The following MAD1L1 variants were observed in gnomAD, a reference collection of about 807,000 sequenced individuals.
MAD1L1 encodes mitotic arrest deficient 1 like 1.
A neutral mutation model predicts 96.9 loss-of-function variants in MAD1L1; 95 were observed. That is an observed-to-expected ratio of 0.98 (90% CI 0.83 to 1.16). The LOEUF is 1.16. MAD1L1 is among the 50% of genes most tolerant of loss of function. MAD1L1 has a pLI of 0.00. For synonymous variants in MAD1L1, 473 were observed against 396.6 expected (o/e 1.19, Z -2.29); for missense variants, 1,007 against 954.4 (o/e 1.06, Z -0.73).
In MAD1L1 at chr7:1,816,156, C is replaced by T. The variant is rs971005871; in HGVS notation, c.2071G>A (p.Glu691Lys). The T allele has an allele frequency of 3.7e-6, 6 of 1,613,196 alleles. No homozygotes were observed. The Admixed American group carries it at 6.7e-5, about 18-fold the overall frequency. The change falls in exon 19 of 19, where the codon GAG (glutamate) becomes AAG (lysine). Residue 691 changes from glutamate (E) to lysine (K), a missense_variant. Coordinates refer to ENST00000265854, the MANE Select transcript of MAD1L1 (RefSeq NM_001013836.2). ...CTGTCCTGGCGCCGCAGGTGCACCT[C>T]GATGAGCTCGCCCACGGTGTGTGAG... ...EFSHTVGELI[E>K]VHLRRQDSIP...
intron 18 of MAD1L1, among the ~76,000 whole-genome samples, chr7:1,854,667 G>T (rs1158442071): frequency 6.6e-6 from 1 of 152,078 alleles, no homozygotes; most frequent in Non-Finnish European, 1.5e-5. Flanking sequence ...GGAACTGCGG[G>T]ACACAAACCT....
At chr7:2,098,531 A>G (rs73034458) in intron 11 of MAD1L1, among the ~76,000 whole-genome samples, 4,117 of 152,272 alleles carry the variant, frequency 0.027, 98 homozygotes, top group South Asian at 0.09. Context: ...CCAAGCCATC[A>G]TGTGTATGGT....
At chr7:2,041,319 C>A (rs954849367) in intron 12 of MAD1L1, among the ~76,000 whole-genome samples, 2 of 152,210 alleles carry the variant, frequency 1.3e-5, no homozygotes, top group Admixed American at 6.5e-5. Flanking sequence ...GGACCGAGAG[C>A]CAACCCTTTG....
chr7:2,022,108 G>A (rs1782813957), intron 12 of MAD1L1, among the ~76,000 whole-genome samples: 2 of 152,008 alleles, frequency 1.3e-5, no homozygotes, highest in African/African-American at 4.8e-5. Context: ...GCTGTGAGCC[G>A]CTGAGCCTAG....
At chr7:1,894,655 C>T (rs1786754771) in intron 18 of MAD1L1, among the ~76,000 whole-genome samples, 1 of 152,168 alleles carries the variant, frequency 6.6e-6, no homozygotes, top group African/African-American at 2.4e-5. Flanking sequence ...GATCCCTCCA[C>T]ATCAACCAGA....
chr7:1,970,331 C>CAT (rs1554313149), intron 15 of MAD1L1, among the ~76,000 whole-genome samples: 2 of 116,516 alleles, frequency 1.7e-5, no homozygotes, highest in Non-Finnish European at 3.5e-5. Flanking sequence ...TTAATTTTTA[C>CAT]TTTTTTTTTT....
intron 10 of MAD1L1, among the ~76,000 whole-genome samples, chr7:2,205,084 C>CTTTTTT (rs56101356): frequency 0.015 from 1,540 of 103,682 alleles, 3 homozygotes; most frequent in Non-Finnish European, 0.022. Flanking sequence ...AGGATCTTTT[C>CTTTTTT]TTTTTTTTTT....
intron 14 of MAD1L1, 50 bp from the exon 15 acceptor site, chr7:1,980,591 T>C: frequency 6.7e-7 from 1 of 1,482,582 alleles, no homozygotes; most frequent in Non-Finnish European, 9.3e-7. Flanking sequence ...CGCACCCAGG[T>C]GTGTGGGGAA....
intron 14 of MAD1L1, among the ~76,000 whole-genome samples, chr7:1,982,549 T>A (rs1248128433): frequency 1.3e-5 from 2 of 152,228 alleles, no homozygotes; most frequent in Non-Finnish European, 2.9e-5. Context: ...TACGTGATTT[T>A]AAATTTTTGT....
In MAD1L1 at chr7:2,222,756, T is replaced by C. The variant is rs1793677586; in HGVS notation, c.292-2A>G. On this transcript the variant is annotated splice_acceptor_variant, in intron 4 of 18. Coordinates refer to ENST00000265854, the MANE Select transcript of MAD1L1 (RefSeq NM_001013836.2). LOFTEE classifies it high-confidence loss of function. ...CTCCTGGTTGCGGTCGACCTCACGC[T>C]GTTAAGAGAGCAAGAGTCAGATGCC... is the stretch of plus-strand genomic sequence containing the variant. 1 of 1,588,976 alleles carries C rather than the reference T, an allele frequency of 6.3e-7. No homozygotes were observed. The highest frequency in any genetic ancestry group is 8.5e-7 in the Non-Finnish European group (1 of 1,172,064).
chr7:1,867,391 G>A (rs925878107), intron 18 of MAD1L1, among the ~76,000 whole-genome samples: 11 of 152,214 alleles, frequency 7.2e-5, no homozygotes, highest in African/African-American at 1.2e-4. Context: ...CATGGAAGGC[G>A]GCACTGCAGC....
At chr7:1,945,275 C>A (rs1583876723) in intron 16 of MAD1L1, among the ~76,000 whole-genome samples, 1 of 152,376 alleles carries the variant, frequency 6.6e-6, no homozygotes, top group African/African-American at 2.4e-5. Flanking sequence ...GTGACAGGGA[C>A]TCCTGTCCAC....
At chr7:2,035,081 C>G (rs1783405356) in intron 12 of MAD1L1, among the ~76,000 whole-genome samples, 1 of 152,278 alleles carries the variant, frequency 6.6e-6, no homozygotes, top group African/African-American at 2.4e-5. Context: ...AAGCCAACAA[C>G]AGATGCCTCA....
chr7:2,222,573 A>C lies in MAD1L1; in HGVS notation c.471+2T>G, dbSNP rs756820907. 6.3e-7 allele frequency: 1 copy of C among 1,592,068 alleles called. No homozygotes were observed. Among genetic ancestry groups the C allele is most frequent in the Non-Finnish European group, 8.6e-7 (1 of 1,168,668 alleles). ...TCCCTGCGCAGCAGAGGCCCCGCTC[A>C]CCTCGCCAGCCTGGGCCAGACTGTC... On this transcript the variant is annotated splice_donor_variant, in intron 5 of 18. Transcript: ENST00000265854. LOFTEE classifies it high-confidence loss of function.
At chr7:1,859,996 G>A (rs942409072) in intron 18 of MAD1L1, among the ~76,000 whole-genome samples, 2 of 150,882 alleles carry the variant, frequency 1.3e-5, no homozygotes, top group Non-Finnish European at 3.0e-5. Context: ...ACATCCTGTG[G>A]GGCGGCCTCT....
intron 18 of MAD1L1, among the ~76,000 whole-genome samples, chr7:1,891,900 A>T (rs1326070832): frequency 6.6e-6 from 1 of 152,180 alleles, no homozygotes; most frequent in Non-Finnish European, 1.5e-5. Context: ...TTATTGAAGA[A>T]AAGAACAGTA....
At chr7:1,869,566 C>T (rs560167681) in intron 18 of MAD1L1, among the ~76,000 whole-genome samples, 64 of 152,194 alleles carry the variant, frequency 4.2e-4, no homozygotes, top group African/African-American at 1.4e-3. Flanking sequence ...CACAGGGACC[C>T]GGGAAAAAAC....
chr7:2,080,010 G>C (rs568690409), intron 11 of MAD1L1: 1 of 305,820 alleles, frequency 3.3e-6, no homozygotes, highest in African/African-American at 2.2e-5. Flanking sequence ...CCATCCGTGC[G>C]TCCGTCAACC....
chr7:1,914,028 C>T (rs1013030450), intron 17 of MAD1L1, among the ~76,000 whole-genome samples: 7 of 150,984 alleles, frequency 4.6e-5, no homozygotes, highest in Non-Finnish European at 8.9e-5. Context: ...TCTCCCCCCC[C>T]AGCACGCCTG....
Sources: gnomAD v4.1 joint callset for allele counts (sites outside exome capture counted in the v4.1 genomes callset) on GRCh38, gnomAD v4.1.1 for gene constraint, MANE v1.5 for transcripts, NCBI Gene and HGNC (gene_info 2026-07-23, HGNC 2026-07-21) for gene names.